USH2A: variants seen among roughly 807,000 people sequenced by gnomAD.
USH2A encodes Usher syndrome 2A (autosomal recessive, mild).
A neutral mutation model predicts 538.9 loss-of-function variants in USH2A; 443 were observed. The ratio of observed to expected loss-of-function variants is 0.82; its 90% CI spans 0.76 to 0.89. The LOEUF (loss-of-function observed/expected upper bound fraction) is 0.89, where lower values mean the gene tolerates loss of function less well. USH2A is among the 40% of genes least tolerant of loss of function. The pLI is 0.00. For synonymous variants in USH2A, 2,413 were observed against 2,273.5 expected (o/e 1.06, Z -1.75); for missense variants, 6,633 against 6,324.8 (o/e 1.05, Z -1.65).
At chr1:215,961,069 G>A (rs940689559) in intron 37 of USH2A, among the ~76,000 whole-genome samples, 3 of 151,962 alleles carry the variant, frequency 2.0e-5, no homozygotes, top group African/African-American at 7.2e-5. Flanking sequence ...CTGGTAAGAT[G>A]CCTGCATTTT....
At chr1:216,071,406 G>A (rs933107382) in intron 29 of USH2A, among the ~76,000 whole-genome samples, 8 of 152,250 alleles carry the variant, frequency 5.3e-5, no homozygotes, top group East Asian at 1.9e-4. Context: ...TGGGAGTGAC[G>A]CTGATTTTAT....
chr1:215,747,599 G>C (rs554166720), intron 58 of USH2A, among the ~76,000 whole-genome samples: 3 of 152,156 alleles, frequency 2.0e-5, no homozygotes, highest in African/African-American at 4.8e-5. Context: ...AATATAATCA[G>C]GTTTCTTCTT....
Position 216,199,733 on chromosome 1 carries a change from T to C in USH2A, c.3705A>G (p.Thr1235=), listed in dbSNP as rs2034938462. 1 of 1,614,114 alleles carries C rather than the reference T, an allele frequency of 6.2e-7. No homozygotes were observed. The highest frequency in any genetic ancestry group is 8.5e-7 in the Non-Finnish European group (1 of 1,179,996). The change falls in exon 17 of 72, where the codon ACA becomes ACG. Residue 1235 remains threonine (T), a synonymous_variant. Coordinates refer to ENST00000307340, the MANE Select transcript of USH2A (RefSeq NM_206933.4). ...GGGGAGGGGCCTGGGCTGTGGTCACTGTAATGGGCAAGCTGTGTAAACAGC... is the reference window on the plus strand; with the variant it reads ...GGGGAGGGGCCTGGGCTGTGGTCACCGTAATGGGCAAGCTGTGTAAACAGC... ...SGGCLHSLPI[T]VTTAQAPPQR...
In USH2A at chr1:215,786,643, A is replaced by G. The variant is rs770628662; in HGVS notation, c.10387+27T>C. Reference sequence around the variant, plus strand: ...AGCTTCTCACTAACCCCATTAAGCCATGGGCAGACAGCTTGCTTTCTGTTA... The same window carrying G: ...AGCTTCTCACTAACCCCATTAAGCCGTGGGCAGACAGCTTGCTTTCTGTTA... On this transcript the variant is annotated intron_variant, in intron 52 of 71. Transcript: ENST00000307340. The G allele has an allele frequency of 6.2e-6, 10 of 1,613,256 alleles. No homozygotes were observed. The South Asian group carries it at 6.6e-5, about 11-fold the overall frequency.
chr1:215,896,612 C>T lies in USH2A; in HGVS notation c.7594+3463G>A, dbSNP rs7517525. The stretch of plus-strand genomic sequence containing the variant: ...GAAAAACTTGCCCTCCCTGCCAACT[C>T]TAATTTCTACATGCATGTACTATAC... On this transcript the variant is annotated intron_variant, in intron 40 of 71. Transcript: ENST00000307340. 8.9e-3 allele frequency among the ~76,000 whole-genome samples: 1,358 copies of T among 152,216 alleles called. 15 individuals are homozygous for T. Among genetic ancestry groups the T allele is most frequent in the African/African-American group, 0.031 (1,287 of 41,546 alleles).
At chr1:216,243,435 C>T (rs403340) in intron 13 of USH2A, among the ~76,000 whole-genome samples, 142,259 of 152,276 alleles carry the variant, frequency 0.93, 66,570 homozygotes, top group East Asian at 0.98. Flanking sequence ...AAGGATCAAT[C>T]TCTTTCTTAC....
chr1:215,778,718 G>T (rs1661537094), intron 55 of USH2A, among the ~76,000 whole-genome samples: 4 of 152,148 alleles, frequency 2.6e-5, no homozygotes, highest in Admixed American at 1.3e-4. Context: ...GAAGGAGGTG[G>T]CTGACAATGG....
At chr1:216,034,299 A>C (rs1669194582) in intron 32 of USH2A, among the ~76,000 whole-genome samples, 1 of 152,158 alleles carries the variant, frequency 6.6e-6, no homozygotes, top group African/African-American at 2.4e-5. Flanking sequence ...TCAATAAAAC[A>C]TCATGAATTA....
At position 215,985,619 on chromosome 1, in the gene USH2A, T is replaced by G. The variant is rs185156983; in HGVS notation, c.6805+7401A>C. 5.6e-3 allele frequency among the ~76,000 whole-genome samples: 855 copies of G among 152,304 alleles called. 8 individuals are homozygous for G. The highest frequency in any genetic ancestry group is 0.019 in the African/African-American group (806 of 41,574). ...TTATAAATTATAGCTATTATTATTA[T>G]TACTAATGTTATTATTGTTAACAGG... On this transcript the variant is annotated intron_variant, in intron 35 of 71. Coordinates refer to ENST00000307340, the MANE Select transcript of USH2A (RefSeq NM_206933.4).
intron 17 of USH2A, 44 bp from the exon 18 acceptor site, chr1:216,198,628 G>A (rs765806920): frequency 6.3e-7 from 1 of 1,586,178 alleles, no homozygotes. Context: ...ATCAGACAAA[G>A]GGGTTACTTT....
At chr1:215,829,039 A>G (rs1211636126) in intron 47 of USH2A, among the ~76,000 whole-genome samples, 1 of 152,170 alleles carries the variant, frequency 6.6e-6, no homozygotes, top group Non-Finnish European at 1.5e-5. Context: ...ATCCACCAAG[A>G]CAAATAAATG....
chr1:215,949,460 C>T (rs2102439231), intron 37 of USH2A, among the ~76,000 whole-genome samples: 1 of 151,830 alleles, frequency 6.6e-6, no homozygotes, highest in African/African-American at 2.4e-5. Flanking sequence ...AGAACTAAGA[C>T]CTTTTAACAG....
intron 4 of USH2A, among the ~76,000 whole-genome samples, chr1:216,339,051 A>C (rs1301948234): frequency 6.6e-6 from 1 of 151,634 alleles, no homozygotes; most frequent in East Asian, 1.9e-4. Flanking sequence ...AAATGCACAC[A>C]AGGAGACATA....
intron 44 of USH2A, among the ~76,000 whole-genome samples, chr1:215,860,469 C>G (rs10864213): frequency 0.41 from 62,648 of 151,914 alleles, 13,388 homozygotes; most frequent in Admixed American, 0.54. Context: ...ATTAGGTTGG[C>G]GCAAAGTAGT....
At chr1:216,266,072 G>T (rs532121260) in intron 11 of USH2A, among the ~76,000 whole-genome samples, 1 of 152,182 alleles carries the variant, frequency 6.6e-6, no homozygotes, top group South Asian at 2.1e-4. Flanking sequence ...CCAACACAAA[G>T]AAATGATACA....
rs528161202 is a variant in USH2A, at chr1:216,145,671, G to C, written c.4627+29581C>G. Among the ~76,000 whole-genome samples the C allele has an allele frequency of 2.0e-4, 30 of 152,240 alleles. No homozygotes were observed. The East Asian group carries it at 3.3e-3, about 17-fold the overall frequency. On this transcript the variant is annotated intron_variant, in intron 21 of 71. Transcript: ENST00000307340. ...CTGCACGTATACGCCCAGATGGCCT[G>C]AAGTAACTAAAGAATCACAAAAGAA...
intron 11 of USH2A, among the ~76,000 whole-genome samples, chr1:216,254,549 C>T (rs370044317): frequency 6.6e-6 from 1 of 152,144 alleles, no homozygotes; most frequent in East Asian, 1.9e-4. Context: ...TTTAAAATGC[C>T]TGCAAATTTA....
At chr1:215,660,013 G>C (rs1657393420) in intron 64 of USH2A, among the ~76,000 whole-genome samples, 1 of 152,198 alleles carries the variant, frequency 6.6e-6, no homozygotes, top group African/African-American at 2.4e-5. Context: ...TCTGAGGAAT[G>C]GGGTAGGGGA....
At chr1:216,204,393 C>T (rs933718347) in intron 16 of USH2A, 10 of 150,522 alleles carry the variant, frequency 6.6e-5, no homozygotes, top group African/African-American at 2.4e-4. Flanking sequence ...TAATTATTCA[C>T]AATCTTTAAA....
Sources: gnomAD v4.1 joint callset for allele counts (sites outside exome capture counted in the v4.1 genomes callset) on GRCh38, gnomAD v4.1.1 for gene constraint, MANE v1.5 for transcripts, NCBI Gene and HGNC (gene_info 2026-07-23, HGNC 2026-07-21) for gene names.